Variants in WWC1 observed in about 807,000 individuals in gnomAD.
WWC1 encodes protein KIBRA.
WWC1 carries 55 observed loss-of-function variants against 138.4 expected under a neutral mutation model. The ratio of observed to expected loss-of-function variants is 0.40; its 90% CI spans 0.32 to 0.50. WWC1 has a LOEUF of 0.50. Ranked by LOEUF, WWC1 falls within the 20% of genes least tolerant of loss-of-function variation. The pLI, the probability that WWC1 is intolerant of heterozygous loss-of-function variation, is 0.72. For synonymous variants in WWC1, 524 were observed against 564.9 expected (o/e 0.93, Z 1.03); for missense variants, 1,226 against 1,420.4 (o/e 0.86, Z 2.20).
At chr5:168,464,647 T>C in intron 20 of WWC1, 82 bp from the exon 21 acceptor site, 2 of 1,559,500 alleles carry the variant, frequency 1.3e-6, no homozygotes, top group South Asian at 1.2e-5. Flanking sequence ...CAAGAGAGGG[T>C]ATTTGAGGGT....
intron 1 of WWC1, among the ~76,000 whole-genome samples, chr5:168,306,052 G>A (rs1770530809): frequency 6.6e-6 from 1 of 152,202 alleles, no homozygotes; most frequent in Admixed American, 6.5e-5. Flanking sequence ...TGGAAAAATT[G>A]AGATGATTCA....
intron 7 of WWC1, 71 bp downstream of exon 7, chr5:168,408,724 C>A: frequency 6.3e-7 from 1 of 1,583,416 alleles, no homozygotes; most frequent in African/African-American, 1.3e-5. Context: ...TAATGGACAG[C>A]TGCCTTCTCA....
rs759875719 is a variant in WWC1 at position 168,430,124 on chromosome 5, C to A, written c.2001-13C>A. On this transcript the variant is annotated splice_polypyrimidine_tract_variant and intron_variant, in intron 13 of 22. Transcript: ENST00000265293. Reference sequence around the variant, plus strand: ...TTACTAATAGGTACTTCATATGCCCCTTTTCATTTCAGGTATGATGAGAAG... The same window carrying A: ...TTACTAATAGGTACTTCATATGCCCATTTTCATTTCAGGTATGATGAGAAG... 1.5e-5 allele frequency: 24 copies of A among 1,602,922 alleles called. No individual in the cohort carries two copies. The South Asian group carries it at 2.3e-4, about 15-fold the overall frequency.
chr5:168,327,358 G>C (rs1157187694), intron 1 of WWC1, among the ~76,000 whole-genome samples: 1 of 152,130 alleles, frequency 6.6e-6, no homozygotes, highest in Non-Finnish European at 1.5e-5. Context: ...ATGCTGACTC[G>C]CTCGGATAGT....
At chr5:168,318,438 G>A (rs1024329120) in intron 1 of WWC1, among the ~76,000 whole-genome samples, 1 of 151,946 alleles carries the variant, frequency 6.6e-6, no homozygotes, top group Non-Finnish European at 1.5e-5. Context: ...TCTTTAGAAC[G>A]CTCTTCATCT....
chr5:168,304,868 C>G (rs2152743703), intron 1 of WWC1, among the ~76,000 whole-genome samples: 1 of 151,724 alleles, frequency 6.6e-6, no homozygotes. Context: ...CACTCTCACC[C>G]AGGTTGGAGT....
At chr5:168,438,539 C>T (rs1478784347) in intron 15 of WWC1, among the ~76,000 whole-genome samples, 1 of 152,186 alleles carries the variant, frequency 6.6e-6, no homozygotes, top group African/African-American at 2.4e-5. Context: ...GACTCAGTCT[C>T]GGGTATGCCT....
At chr5:168,326,460 G>T (rs11739783) in intron 1 of WWC1, among the ~76,000 whole-genome samples, 2 of 151,704 alleles carry the variant, frequency 1.3e-5, no homozygotes, top group East Asian at 3.9e-4. Flanking sequence ...CAGGTGATCC[G>T]CCCGCCTCAG....
intron 17 of WWC1, among the ~76,000 whole-genome samples, chr5:168,453,326 A>G (rs1755999462): frequency 6.6e-6 from 1 of 152,228 alleles, no homozygotes; most frequent in South Asian, 2.1e-4. Context: ...AAAACAGCAT[A>G]TATTGTCTGA....
In WWC1 at chr5:168,469,216, C is replaced by A; in HGVS notation, c.*199C>A. The stretch of plus-strand genomic sequence containing the variant: ...AGAACAAAAACAAAACACACACACA[C>A]ACAAAAACAGAAACAAAAAAAACCA... On this transcript the variant is annotated 3_prime_UTR_variant, in exon 23 of 23. Coordinates refer to ENST00000265293, the MANE Select transcript of WWC1 (RefSeq NM_015238.3). 1.8e-6 allele frequency: 1 copy of A among 549,194 alleles called. No homozygotes were observed. The highest frequency in any genetic ancestry group is 2.8e-5 in the East Asian group (1 of 35,114). The allele number at this position is 549,194 out of a possible 1,614,324, so 34.0% of individuals were successfully genotyped here. A position where few individuals can be genotyped will look rare whatever the true frequency, so the allele number is the denominator to read the frequency against.
At chr5:168,308,276 A>G (rs1770759509) in intron 1 of WWC1, among the ~76,000 whole-genome samples, 1 of 147,580 alleles carries the variant, frequency 6.8e-6, no homozygotes, top group Non-Finnish European at 1.5e-5. Flanking sequence ...CTGTCACCCT[A>G]CATGGATCTT....
At chr5:168,418,119 A>G (rs1266465993) in intron 9 of WWC1, among the ~76,000 whole-genome samples, 1 of 152,018 alleles carries the variant, frequency 6.6e-6, no homozygotes, top group East Asian at 1.9e-4. Context: ...TATGCTCCTC[A>G]TCTTCACACA....
chr5:168,324,852 A>G (rs577909132), intron 1 of WWC1, among the ~76,000 whole-genome samples: 1 of 152,366 alleles, frequency 6.6e-6, no homozygotes, highest in Admixed American at 6.5e-5. Flanking sequence ...CCATACCAAT[A>G]CTAATCAAAA....
chr5:168,323,684 G>A (rs768223093), intron 1 of WWC1, among the ~76,000 whole-genome samples: 23 of 152,110 alleles, frequency 1.5e-4, no homozygotes, highest in Non-Finnish European at 2.8e-4. Flanking sequence ...CATAAAAAAG[G>A]AGGTAGAGAG....
chr5:168,465,013 C>G, intron 21 of WWC1, 51 bp downstream of exon 21: 4 of 1,591,712 alleles, frequency 2.5e-6, no homozygotes, highest in East Asian at 2.3e-5. Flanking sequence ...CCCAGAGAGT[C>G]GGGGGGCACT....
At chr5:168,422,190 C>T in intron 10 of WWC1, 93 bp downstream of exon 10, 1 of 1,277,894 alleles carries the variant, frequency 7.8e-7, no homozygotes, top group Non-Finnish European at 1.1e-6. Flanking sequence ...CTTCACTTGT[C>T]CTCCGTGGCT....
chr5:168,322,043 A>G (rs945609416), intron 1 of WWC1, among the ~76,000 whole-genome samples: 1 of 152,204 alleles, frequency 6.6e-6, no homozygotes, highest in African/African-American at 2.4e-5. Context: ...CTGCGAGGTC[A>G]AAGCTTCATA....
At chr5:168,429,361 C>T (rs1223474746) in intron 13 of WWC1, among the ~76,000 whole-genome samples, 10 of 148,926 alleles carry the variant, frequency 6.7e-5, no homozygotes, top group African/African-American at 2.2e-4. Context: ...TGGGTTCAAG[C>T]GATTCTCCTG....
chr5:168,326,216 C>CTTTTTTTTTTTTTTTTTT (rs796347858), intron 1 of WWC1, among the ~76,000 whole-genome samples: 5 of 113,286 alleles, frequency 4.4e-5, no homozygotes, highest in African/African-American at 1.7e-4. Flanking sequence ...ACCTGATAGT[C>CTTTTTTTTTTTTTTTTTT]TTTTTTTTTT....
Sources: allele counts gnomAD v4.1 joint callset (sites outside exome capture counted in the v4.1 genomes callset), GRCh38; gene constraint gnomAD v4.1.1; transcripts MANE v1.5; gene names NCBI Gene and HGNC (gene_info 2026-07-23, HGNC 2026-07-21).